C5orf52: variants seen among roughly 807,000 people sequenced by gnomAD.
C5orf52 encodes uncharacterized protein C5orf52.
A neutral mutation model predicts 16.8 loss-of-function variants in C5orf52; 15 were observed. The ratio of observed to expected loss-of-function variants is 0.89; its 90% CI spans 0.60 to 1.38. C5orf52 has a LOEUF of 1.38. C5orf52 is among the 40% of genes most tolerant of loss of function. The pLI is 0.00. For missense variants in C5orf52, 206 were observed against 213.1 expected (o/e 0.97, Z 0.21); for synonymous variants, 83 against 87.2 (o/e 0.95, Z 0.27).
In C5orf52 at chr5:157,675,074, T is replaced by C; in HGVS notation, c.213-18T>C. The C allele has an allele frequency of 2.0e-6, 3 of 1,525,448 alleles. No individual in the cohort carries two copies. The highest frequency in any genetic ancestry group is 2.7e-6 in the Non-Finnish European group (3 of 1,123,256). The allele number at this position is 1,525,448 out of a possible 1,614,324, so 94.5% of individuals were successfully genotyped here. A position where few individuals can be genotyped will look rare whatever the true frequency, so the allele number is the denominator to read the frequency against. ...CCAACCGTCTGTAACCTGTGCCACCTTTCCCTCCCTGCTCCAGCTTAATGA... is the reference window on the plus strand; with the variant it reads ...CCAACCGTCTGTAACCTGTGCCACCCTTCCCTCCCTGCTCCAGCTTAATGA... On this transcript the variant is annotated intron_variant, in intron 1 of 2. Transcript: ENST00000409999.
Position 157,680,053 on chromosome 5 carries a change from C to A in C5orf52, c.*54C>A. ...CCCTAGTTCTGGCAAAGGGATCTGC[C>A]CCAGGGTCACGATGACACCAGTGTG... is the stretch of plus-strand genomic sequence containing the variant. On this transcript the variant is annotated 3_prime_UTR_variant, in exon 3 of 3. Transcript: ENST00000409999. 6.6e-7 allele frequency: 1 copy of A among 1,510,612 alleles called. No homozygotes were observed. The highest frequency in any genetic ancestry group is 8.9e-7 in the Non-Finnish European group (1 of 1,122,476). 93.6% of individuals were successfully genotyped at this position (1,510,612 alleles called of 1,614,324 possible). A position where few individuals can be genotyped will look rare whatever the true frequency, so the allele number is the denominator to read the frequency against.
intron 2 of C5orf52, among the ~76,000 whole-genome samples, chr5:157,677,581 G>A (rs1759922572): frequency 6.6e-6 from 1 of 151,084 alleles, no homozygotes; most frequent in South Asian, 2.1e-4. Context: ...TTGAACCCTG[G>A]AGGCCGAGGT....
At chr5:157,674,006 C>A (rs1331546997) in intron 1 of C5orf52, among the ~76,000 whole-genome samples, 1 of 152,146 alleles carries the variant, frequency 6.6e-6, no homozygotes, top group East Asian at 1.9e-4. Flanking sequence ...AAGACTACTT[C>A]GTGGTGTAAC....
In C5orf52 at chr5:157,679,951, C is replaced by A. The variant is rs1332497116; in HGVS notation, c.432C>A (p.Ser144=). ...AGCTCGGGCGATGGAGAGAGGAATCCGTGAACAGCAACCGGTACTTAACCT... is the reference window on the plus strand; with the variant it reads ...AGCTCGGGCGATGGAGAGAGGAATCAGTGAACAGCAACCGGTACTTAACCT... ...LRKLGRWREE[S]VNSNRYLTFG... Residue 144 remains serine, a synonymous_variant, in exon 3 of 3, where the codon TCC becomes TCA. Coordinates refer to ENST00000409999, the MANE Select transcript of C5orf52 (RefSeq NM_001145132.2). 2.6e-6 allele frequency: 4 copies of A among 1,551,662 alleles called. No homozygotes were observed. In the South Asian group the frequency reaches 4.8e-5, roughly 18 times the overall value.
intron 2 of C5orf52, among the ~76,000 whole-genome samples, chr5:157,679,147 A>G (rs1227090385): frequency 4.6e-5 from 7 of 151,962 alleles, no homozygotes; most frequent in Non-Finnish European, 8.8e-5. Context: ...AAAGAAAAAA[A>G]AAAAGAAATA....
In C5orf52 at chr5:157,675,091, G is replaced by T. The variant is rs1314055467; in HGVS notation, c.213-1G>T. 1.3e-6 allele frequency: 2 copies of T among 1,546,696 alleles called. No individual in the cohort carries two copies. The highest frequency in any genetic ancestry group is 4.9e-5 in the East Asian group (2 of 40,910). ...GTGCCACCTTTCCCTCCCTGCTCCAGCTTAATGAATTCCAGTGAAGCAGCG... is the reference window on the plus strand; with the variant it reads ...GTGCCACCTTTCCCTCCCTGCTCCATCTTAATGAATTCCAGTGAAGCAGCG... On this transcript the variant is annotated splice_acceptor_variant, in intron 1 of 2. Coordinates refer to ENST00000409999, the MANE Select transcript of C5orf52 (RefSeq NM_001145132.2). LOFTEE classifies it high-confidence loss of function.
At chr5:157,672,776 C>A (rs1759821241) in intron 1 of C5orf52, among the ~76,000 whole-genome samples, 1 of 152,084 alleles carries the variant, frequency 6.6e-6, no homozygotes, top group African/African-American at 2.4e-5. Flanking sequence ...CTGCCTCAGC[C>A]TCCTGAGTAG....
chr5:157,675,868 G>C (rs908405195), intron 2 of C5orf52, among the ~76,000 whole-genome samples: 4 of 152,148 alleles, frequency 2.6e-5, no homozygotes, highest in African/African-American at 9.7e-5. Context: ...GACAGGTAGA[G>C]TTTCACCTGC....
rs775660037 is a variant in C5orf52, at chr5:157,679,969, C to T, written c.450C>T (p.Tyr150=). The change falls in exon 3 of 3, where the codon TAC becomes TAT. Residue 150 remains tyrosine (Y), a synonymous_variant. Coordinates refer to ENST00000409999, the MANE Select transcript of C5orf52 (RefSeq NM_001145132.2). ...WREESVNSNR[Y]LTFGIPPPV is the part of the protein sequence containing the mutation. ...AGGAATCCGTGAACAGCAACCGGTA[C>T]TTAACCTTCGGGATACCACCACCAG... 5.2e-6 allele frequency: 8 copies of T among 1,551,692 alleles called. No individual in the cohort carries two copies. In the Middle Eastern group the frequency reaches 6.7e-4, roughly 129 times the overall value.
chr5:157,674,965 GA>G, intron 1 of C5orf52, 126 bp from the exon 2 acceptor site: 1 of 610,864 alleles, frequency 1.6e-6, no homozygotes, highest in South Asian at 2.1e-5. Flanking sequence ...TGAAAATTAT[GA>G]CAGAGCTGCA....
chr5:157,673,315 C>T lies in C5orf52; in HGVS notation c.212+1489C>T, dbSNP rs185020722. Among the ~76,000 whole-genome samples the T allele has an allele frequency of 5.9e-3, 897 of 151,274 alleles. 36 individuals are homozygous for T. Among genetic ancestry groups the T allele is most frequent in the Admixed American group, 0.054 (821 of 15,202 alleles). ...TTGCGCCACTGCACTCCAACATGGG[C>T]GACAGAGTGAGATCCCATCTCAAAG... On this transcript the variant is annotated intron_variant, in intron 1 of 2. Coordinates refer to ENST00000409999, the MANE Select transcript of C5orf52 (RefSeq NM_001145132.2).
chr5:157,676,871 C>CTTTTTTTTTTTT (rs35620575), intron 2 of C5orf52, among the ~76,000 whole-genome samples: 1 of 97,134 alleles, frequency 1.0e-5, no homozygotes, highest in Non-Finnish European at 2.1e-5. Flanking sequence ...CTTTTTTTTT[C>CTTTTTTTTTTTT]TTTTTTTTTT....
chr5:157,676,753 T>A (rs938465072), intron 2 of C5orf52, among the ~76,000 whole-genome samples: 10 of 152,206 alleles, frequency 6.6e-5, no homozygotes, highest in Non-Finnish European at 1.3e-4. Flanking sequence ...CAAGGATGGA[T>A]AGGGCAGAGT....
chr5:157,677,146 A>G (rs1041299784), intron 2 of C5orf52, among the ~76,000 whole-genome samples: 4 of 152,172 alleles, frequency 2.6e-5, no homozygotes, highest in African/African-American at 9.7e-5. Context: ...CTGGCATTAT[A>G]GGCATGTTCC....
At chr5:157,673,169 C>G (rs1354599761) in intron 1 of C5orf52, among the ~76,000 whole-genome samples, 1 of 151,806 alleles carries the variant, frequency 6.6e-6, no homozygotes, top group Non-Finnish European at 1.5e-5. Context: ...GAAACCCTGT[C>G]TCTACCAAAA....
At position 157,671,547 on chromosome 5, in the gene C5orf52, C is replaced by A. The variant is rs1759790056; in HGVS notation, c.-68C>A. On this transcript the variant is annotated 5_prime_UTR_variant, in exon 1 of 3. Transcript: ENST00000409999. ...CCCAGGGACTCACTCCGCGTCAGCGCGCGCCCACCTAGGTGGGCTGGCAAC... is the reference window on the plus strand; with the variant it reads ...CCCAGGGACTCACTCCGCGTCAGCGAGCGCCCACCTAGGTGGGCTGGCAAC... The A allele has an allele frequency of 2.9e-6, 4 of 1,364,590 alleles. No homozygotes were observed. The highest frequency in any genetic ancestry group is 3.0e-6 in the Non-Finnish European group (3 of 1,003,604). The allele number at this position is 1,364,590 out of a possible 1,614,324, so 84.5% of individuals were successfully genotyped here.
At chr5:157,679,359 C>G (rs905477228) in intron 2 of C5orf52, among the ~76,000 whole-genome samples, 8 of 152,176 alleles carry the variant, frequency 5.3e-5, no homozygotes, top group African/African-American at 1.9e-4. Flanking sequence ...CAGTGTGAGA[C>G]AGAGTCTCAC....
chr5:157,676,951 C>T (rs1003499353), intron 2 of C5orf52, among the ~76,000 whole-genome samples: 20 of 150,512 alleles, frequency 1.3e-4, no homozygotes, highest in Admixed American at 1.3e-3. Context: ...TTGCTGTAGC[C>T]TCAACCTCCT....
chr5:157,675,388 G>C (rs867255961), intron 2 of C5orf52, among the ~76,000 whole-genome samples, 188 bp downstream of exon 2: 43 of 152,304 alleles, frequency 2.8e-4, no homozygotes, highest in Middle Eastern at 3.4e-3. Flanking sequence ...TGTCGCACCT[G>C]TTCCTGGGCT....
Sources: allele counts gnomAD v4.1 joint callset (sites outside exome capture counted in the v4.1 genomes callset), GRCh38; gene constraint gnomAD v4.1.1; transcripts MANE v1.5; gene names NCBI Gene and HGNC (gene_info 2026-07-23, HGNC 2026-07-21).